CDIN1: variants seen among roughly 807,000 people sequenced by gnomAD.
CDIN1 encodes CDAN1 interacting nuclease 1, also known as CDAN1-interacting nuclease 1.
A neutral mutation model predicts 45.3 loss-of-function variants in CDIN1; 33 were observed. The ratio of observed to expected loss-of-function variants is 0.73; its 90% CI spans 0.55 to 0.97. The LOEUF is 0.97. CDIN1 is among the 50% of genes least tolerant of loss of function. CDIN1 has a pLI of 0.00. For synonymous variants in CDIN1, 118 were observed against 124.4 expected (o/e 0.95, Z 0.34); for missense variants, 303 against 339.4 (o/e 0.89, Z 0.84).
intron 1 of CDIN1, among the ~76,000 whole-genome samples, chr15:36,592,092 G>C (rs188797024): frequency 2.8e-3 from 424 of 151,418 alleles, no homozygotes; most frequent in African/African-American, 9.9e-3. Flanking sequence ...TTTTTTTTAA[G>C]AAAAAATAAA....
At chr15:36,646,664 GC>G (rs1176112478) in intron 3 of CDIN1, among the ~76,000 whole-genome samples, 2 of 13,576 alleles carry the variant, frequency 1.5e-4, no homozygotes, top group African/African-American at 3.9e-4. Flanking sequence ...TTATTTACAT[GC>G]CAAAAAATAC....
intron 10 of CDIN1, among the ~76,000 whole-genome samples, chr15:36,797,991 G>T (rs116582279): frequency 7.5e-5 from 6 of 80,346 alleles, no homozygotes; most frequent in African/African-American, 3.2e-4. Context: ...AAAAAAAAAA[G>T]ACTTTCCTTC....
chr15:36,586,566 TAAAAC>T (rs1354761272), intron 1 of CDIN1, among the ~76,000 whole-genome samples: 1 of 151,630 alleles, frequency 6.6e-6, no homozygotes, highest in African/African-American at 2.4e-5. Context: ...ATTTGGGTAT[TAAAAC>T]AACAACAACA....
chr15:36,747,262 G>C, intron 10 of CDIN1: 1 of 336,328 alleles, frequency 3.0e-6, no homozygotes, highest in Non-Finnish European at 5.3e-6. Context: ...AAACATTTCT[G>C]GGTGACAAAA....
intron 10 of CDIN1, among the ~76,000 whole-genome samples, chr15:36,775,501 A>AGGCAGCAGTGC (rs1179946889): frequency 6.6e-6 from 1 of 152,232 alleles, no homozygotes; most frequent in Non-Finnish European, 1.5e-5. Flanking sequence ...AGCCTGGGTC[A>AGGCAGCAGTGC]GGCAGCAGTG....
intron 1 of CDIN1, among the ~76,000 whole-genome samples, chr15:36,635,124 C>G (rs2140365246): frequency 6.6e-6 from 1 of 152,200 alleles, no homozygotes; most frequent in South Asian, 2.1e-4. Context: ...CTCTAACAGA[C>G]TATACCCTAG....
intron 1 of CDIN1, among the ~76,000 whole-genome samples, chr15:36,612,112 C>G (rs2038677265): frequency 6.6e-6 from 1 of 152,172 alleles, no homozygotes. Flanking sequence ...AACATGACTT[C>G]CAAGAACAGA....
chr15:36,581,058 T>C (rs1282330667), intron 1 of CDIN1, among the ~76,000 whole-genome samples: 1 of 152,228 alleles, frequency 6.6e-6, no homozygotes, highest in Non-Finnish European at 1.5e-5. Context: ...CCAGATTTGA[T>C]TTAGGGCAAT....
At chr15:36,675,634 G>C (rs2041622725) in intron 5 of CDIN1, among the ~76,000 whole-genome samples, 1 of 152,108 alleles carries the variant, frequency 6.6e-6, no homozygotes. Context: ...TCTTTTAACT[G>C]TCTCATTACA....
chr15:36,708,371 C>T (rs1486043926), intron 8 of CDIN1: 1 of 151,786 alleles, frequency 6.6e-6, no homozygotes, highest in East Asian at 1.9e-4. Context: ...CCAGGTCACT[C>T]CAAAATCTAA....
At chr15:36,602,904 C>T (rs1056306938) in intron 1 of CDIN1, among the ~76,000 whole-genome samples, 10 of 151,758 alleles carry the variant, frequency 6.6e-5, no homozygotes, top group African/African-American at 1.2e-4. Context: ...AGGAGAACGG[C>T]GTGAATGCGG....
At chr15:36,601,468 G>A (rs987847082) in intron 1 of CDIN1, among the ~76,000 whole-genome samples, 1 of 152,068 alleles carries the variant, frequency 6.6e-6, no homozygotes, top group Non-Finnish European at 1.5e-5. Context: ...TTTGCAAAAC[G>A]ACCTACTGAG....
At chr15:36,605,826 C>T (rs1384357692) in intron 1 of CDIN1, among the ~76,000 whole-genome samples, 1 of 152,158 alleles carries the variant, frequency 6.6e-6, no homozygotes, top group Admixed American at 6.5e-5. Flanking sequence ...TTCCAACAGG[C>T]TAATTATACC....
chr15:36,670,531 T>C (rs1439500414), intron 5 of CDIN1, among the ~76,000 whole-genome samples: 2 of 152,150 alleles, frequency 1.3e-5, no homozygotes, highest in African/African-American at 4.8e-5. Flanking sequence ...AGCAACAGTT[T>C]TGAAGTGAGG....
At chr15:36,655,328 T>TTGC (rs2040739310) in intron 4 of CDIN1, among the ~76,000 whole-genome samples, 1 of 1,816 alleles carries the variant, frequency 5.5e-4, no homozygotes, top group African/African-American at 1.1e-3. Context: ...TTTTTTTGCT[T>TTGC]TTTTTTTTTC....
At chr15:36,584,524 A>G (rs1437367510) in intron 1 of CDIN1, among the ~76,000 whole-genome samples, 1 of 152,236 alleles carries the variant, frequency 6.6e-6, no homozygotes, top group African/African-American at 2.4e-5. Context: ...ATGCGTTTGT[A>G]TGATTATCAT....
intron 10 of CDIN1, among the ~76,000 whole-genome samples, chr15:36,805,779 A>G (rs935165752): frequency 1.3e-5 from 2 of 152,184 alleles, no homozygotes; most frequent in Admixed American, 1.3e-4. Flanking sequence ...GCTGTTGAAG[A>G]AGGCTCAGAA....
intron 10 of CDIN1, among the ~76,000 whole-genome samples, chr15:36,796,951 A>C (rs1293776013): frequency 6.6e-6 from 1 of 152,226 alleles, no homozygotes; most frequent in Admixed American, 6.5e-5. Context: ...CTCTTTGAAG[A>C]AAAGGCAGAG....
Position 36,579,768 on chromosome 15 carries a change from GCTTTGCCTACCCCT to G in CDIN1, c.-91_-78del. ...GCAGGCGAGGACCCGGGCCTGTGCC[GCTTTGCCTACCCCT>G]CATCCCTCGGCACCAAGGCTACTTG... On this transcript the variant is annotated 5_prime_UTR_variant, in exon 1 of 11. Coordinates refer to ENST00000566621, the MANE Select transcript of CDIN1 (RefSeq NM_001321759.2). 2 of 1,042,392 alleles carry G rather than the reference GCTTTGCCTACCCCT, an allele frequency of 1.9e-6. No individual in the cohort carries two copies. Among genetic ancestry groups the G allele is most frequent in the Non-Finnish European group, 2.8e-6 (2 of 711,316 alleles). The allele number at this position is 1,042,392 out of a possible 1,614,324, so 64.6% of individuals were successfully genotyped here. A position where few individuals can be genotyped will look rare whatever the true frequency, so the allele number is the denominator to read the frequency against.
Sources: gnomAD v4.1 joint callset for allele counts (sites outside exome capture counted in the v4.1 genomes callset) on GRCh38, gnomAD v4.1.1 for gene constraint, MANE v1.5 for transcripts, NCBI Gene and HGNC (gene_info 2026-07-23, HGNC 2026-07-21) for gene names.